CADM2: variants seen among roughly 807,000 people sequenced by gnomAD.
CADM2 encodes the protein immunoglobulin superfamily member 4D.
A neutral mutation model predicts 49.8 loss-of-function variants in CADM2; 12 were observed. The observed-to-expected ratio is 0.24, with a 90% CI of 0.15 to 0.39. The LOEUF (loss-of-function observed/expected upper bound fraction) is 0.39, where lower values mean the gene tolerates loss of function less well. Ranked by LOEUF, CADM2 falls within the 10% of genes least tolerant of loss-of-function variation. CADM2 has a pLI of 1.00. For missense variants in CADM2, 378 were observed against 492.3 expected, an observed-to-expected ratio of 0.77 and a Z score of 2.20; for synonymous variants, 214 against 175.4, an observed-to-expected ratio of 1.22 and a Z score of -1.74.
intron 3 of CADM2, among the ~76,000 whole-genome samples, chr3:85,820,174 A>C (rs2108177434): frequency 6.6e-6 from 1 of 152,174 alleles, no homozygotes; most frequent in South Asian, 2.1e-4. Context: ...AGAGGAGAGG[A>C]AGGCAGAGGT....
At chr3:85,849,758 CTTT>C (rs2075021883) in intron 3 of CADM2, among the ~76,000 whole-genome samples, 1 of 152,036 alleles carries the variant, frequency 6.6e-6, no homozygotes, top group Non-Finnish European at 1.5e-5. Context: ...TGGGGCTTGA[CTTT>C]AATAGCCATA....
intron 1 of CADM2, among the ~76,000 whole-genome samples, chr3:85,550,873 A>G (rs949116842): frequency 1.8e-4 from 28 of 152,190 alleles, no homozygotes; most frequent in Non-Finnish European, 3.2e-4. Context: ...ATTTCACTGC[A>G]CAGGTGTTTT....
chr3:85,093,719 C>T (rs1038390049), intron 1 of CADM2, among the ~76,000 whole-genome samples: 9 of 152,042 alleles, frequency 5.9e-5, no homozygotes, highest in Non-Finnish European at 1.3e-4. Context: ...AAAAATCCTG[C>T]ATATCAAATA....
intron 5 of CADM2, among the ~76,000 whole-genome samples, chr3:85,896,850 A>C (rs1422961310): frequency 6.6e-6 from 1 of 152,224 alleles, no homozygotes; most frequent in Non-Finnish European, 1.5e-5. Context: ...TGTGCTTCTC[A>C]AAAAGTGGCC....
chr3:85,918,769 C>A (rs768856739), intron 6 of CADM2, among the ~76,000 whole-genome samples: 12 of 152,030 alleles, frequency 7.9e-5, no homozygotes, highest in Non-Finnish European at 1.0e-4. Context: ...GTGGGAAAAA[C>A]CACTTTTAAA....
At chr3:85,604,274 G>T (rs2063492320) in intron 1 of CADM2, among the ~76,000 whole-genome samples, 1 of 151,844 alleles carries the variant, frequency 6.6e-6, no homozygotes, top group Admixed American at 6.6e-5. Context: ...TGCTCAGAGA[G>T]ATCAGTAACG....
At chr3:85,442,962 T>C (rs1349491039) in intron 1 of CADM2, among the ~76,000 whole-genome samples, 2 of 151,928 alleles carry the variant, frequency 1.3e-5, no homozygotes, top group Non-Finnish European at 2.9e-5. Flanking sequence ...ATAGTATGAA[T>C]GCATATACAG....
At chr3:85,426,867 G>T (rs185191193) in intron 1 of CADM2, among the ~76,000 whole-genome samples, 68 of 151,978 alleles carry the variant, frequency 4.5e-4, no homozygotes, top group African/African-American at 1.6e-3. Flanking sequence ...TTATTAAAGT[G>T]ATAATTTGAT....
At chr3:85,065,556 A>G (rs1415576118) in intron 1 of CADM2, among the ~76,000 whole-genome samples, 2 of 152,166 alleles carry the variant, frequency 1.3e-5, no homozygotes, top group Admixed American at 1.3e-4. Flanking sequence ...CAAGTTCATA[A>G]TTAACATTTG....
chr3:85,115,365 C>T (rs994509647), intron 1 of CADM2, among the ~76,000 whole-genome samples: 8 of 152,128 alleles, frequency 5.3e-5, no homozygotes, highest in Non-Finnish European at 1.2e-4. Context: ...TATGTCAGTA[C>T]ATTAAAAGTA....
intron 1 of CADM2, among the ~76,000 whole-genome samples, chr3:85,133,059 G>A (rs767716112): frequency 2.6e-5 from 4 of 152,144 alleles, no homozygotes; most frequent in Non-Finnish European, 5.9e-5. Flanking sequence ...TTAAGGCGGC[G>A]AGTCTAGAGT....
intron 8 of CADM2, among the ~76,000 whole-genome samples, chr3:86,009,052 T>A (rs1577934879): frequency 6.7e-6 from 1 of 149,962 alleles, no homozygotes; most frequent in South Asian, 2.1e-4. Flanking sequence ...GCTGAAGAGA[T>A]TGAAACTTAC....
intron 1 of CADM2, among the ~76,000 whole-genome samples, chr3:85,306,257 T>A (rs2044210049): frequency 1.3e-5 from 2 of 151,712 alleles, no homozygotes; most frequent in African/African-American, 2.4e-5. Context: ...CTGGATTTAG[T>A]CCTGCTTTAA....
chr3:85,638,385 T>C (rs905903677), intron 1 of CADM2, among the ~76,000 whole-genome samples: 7 of 152,118 alleles, frequency 4.6e-5, no homozygotes, highest in Admixed American at 4.6e-4. Context: ...TCTCCACAAA[T>C]TGATACAACT....
At chr3:86,042,612 A>C (rs1293433557) in intron 8 of CADM2, among the ~76,000 whole-genome samples, 9 of 152,144 alleles carry the variant, frequency 5.9e-5, no homozygotes, top group Non-Finnish European at 1.3e-4. Context: ...AAAAAAGTCC[A>C]GGACCAGATG....
intron 1 of CADM2, among the ~76,000 whole-genome samples, chr3:85,419,840 T>C (rs1028474704): frequency 7.9e-5 from 12 of 152,228 alleles, no homozygotes; most frequent in African/African-American, 2.9e-4. Flanking sequence ...AACTTTGGTG[T>C]GCTTCAGAAT....
chr3:85,875,335 T>C (rs182543096), intron 3 of CADM2, among the ~76,000 whole-genome samples: 5 of 152,228 alleles, frequency 3.3e-5, no homozygotes, highest in African/African-American at 1.2e-4. Flanking sequence ...ACAAATAAAA[T>C]AACATTTTGA....
chr3:85,317,796 TCA>T (rs1292398703), intron 1 of CADM2, among the ~76,000 whole-genome samples: 1 of 152,198 alleles, frequency 6.6e-6, no homozygotes, highest in Non-Finnish European at 1.5e-5. Context: ...GGGTACATAT[TCA>T]TGCTATAGCA....
chr3:85,815,427 A>T (rs2073151003), intron 3 of CADM2, among the ~76,000 whole-genome samples: 1 of 152,172 alleles, frequency 6.6e-6, no homozygotes, highest in South Asian at 2.1e-4. Context: ...CTTGGGATGC[A>T]AGGCTGGTTC....
Sources: allele counts gnomAD v4.1 joint callset (sites outside exome capture counted in the v4.1 genomes callset), GRCh38; gene constraint gnomAD v4.1.1; transcripts MANE v1.5; gene names NCBI Gene and HGNC (gene_info 2026-07-23, HGNC 2026-07-21).